HPSE2: variants seen among roughly 807,000 people sequenced by gnomAD.
HPSE2 encodes heparanase 2 (inactive), also known as inactive heparanase-2.
HPSE2 carries 38 observed loss-of-function variants against 60.5 expected under a neutral mutation model. That is an observed-to-expected ratio of 0.63 (90% CI 0.48 to 0.82). The LOEUF (loss-of-function observed/expected upper bound fraction) is 0.82. Ranked by LOEUF, HPSE2 falls within the 40% of genes least tolerant of loss-of-function variation. The probability of loss-of-function intolerance (pLI) is 0.00; values close to 1 mark genes in which losing one functional copy is unlikely to be tolerated. For synonymous variants in HPSE2, 295 were observed against 293.2 expected (o/e 1.01, Z -0.06); for missense variants, 713 against 740.4 (o/e 0.96, Z 0.43).
chr10:99,008,143 G>A (rs1337093569), intron 3 of HPSE2, among the ~76,000 whole-genome samples: 1 of 152,192 alleles, frequency 6.6e-6, no homozygotes, highest in Non-Finnish European at 1.5e-5. Context: ...ACTCCTCACT[G>A]CTTTCCATCT....
Position 98,545,907 on chromosome 10 carries a change from T to C in HPSE2, c.1321-55711A>G, listed in dbSNP as rs937410637. Reference sequence around the variant, plus strand: ...ATGATTGTATATCTGGAAAACCCCATTGTCTCAGCCCAAAGTCTCCTTAAG... The same window carrying C: ...ATGATTGTATATCTGGAAAACCCCACTGTCTCAGCCCAAAGTCTCCTTAAG... On this transcript the variant is annotated intron_variant, in intron 9 of 11. Coordinates refer to ENST00000370552, the MANE Select transcript of HPSE2 (RefSeq NM_021828.5). 2.1e-4 allele frequency among the ~76,000 whole-genome samples: 32 copies of C among 150,760 alleles called. 1 individual carries two copies. The highest frequency in any genetic ancestry group is 6.8e-4 in the African/African-American group (28 of 41,248).
intron 3 of HPSE2, among the ~76,000 whole-genome samples, chr10:99,012,715 G>A (rs970840677): frequency 2.0e-5 from 3 of 152,080 alleles, no homozygotes; most frequent in Non-Finnish European, 4.4e-5. Context: ...GAATATCTGT[G>A]CTGATTTGTA....
chr10:99,296,638 C>A, the HPSE2 span, among the ~76,000 whole-genome samples: 4 of 152,184 alleles, frequency 2.6e-5, no homozygotes, highest in Non-Finnish European at 5.9e-5. Flanking sequence ...CTCTCTTGGG[C>A]AAAGCCAAGA....
chr10:98,581,970 C>G, intron 9 of HPSE2, among the ~76,000 whole-genome samples: 1 of 136,714 alleles, frequency 7.3e-6, no homozygotes, highest in East Asian at 2.0e-4. Context: ...CCTACACACA[C>G]ATGTTCCTTG....
intron 3 of HPSE2, among the ~76,000 whole-genome samples, chr10:98,859,320 G>T (rs2134769742): frequency 6.6e-6 from 1 of 152,168 alleles, no homozygotes; most frequent in South Asian, 2.1e-4. Flanking sequence ...TGGTTGTGAT[G>T]GTTAATATTA....
chr10:98,589,274 GTC>G (rs1945022500), intron 9 of HPSE2, among the ~76,000 whole-genome samples: 1 of 152,198 alleles, frequency 6.6e-6, no homozygotes, highest in Non-Finnish European at 1.5e-5. Flanking sequence ...AGCCACTGTT[GTC>G]TGTGAGGTGC....
chr10:99,039,499 T>C (rs1957686888), intron 3 of HPSE2, among the ~76,000 whole-genome samples: 1 of 150,716 alleles, frequency 6.6e-6, no homozygotes, highest in Non-Finnish European at 1.5e-5. Flanking sequence ...ACTATTAGGA[T>C]ATTAAATATA....
In HPSE2 at chr10:99,060,658, C is replaced by CAA. The variant is rs35034456; in HGVS notation, c.610+83578_610+83579dup. Among the ~76,000 whole-genome samples, 127 of 47,808 alleles carry CAA rather than the reference C, an allele frequency of 2.7e-3. 5 individuals carry two copies. Among genetic ancestry groups the CAA allele is most frequent in the African/African-American group, 0.011 (119 of 10,624 alleles). 31.4% of individuals were successfully genotyped at this position (47,808 alleles called of 152,430 possible). ...GGGCAATAAGAGCGAAACTCTGTCT[C>CAA]AAAAAAAAAAAAAAAAAAAAAAAAA... On this transcript the variant is annotated intron_variant, in intron 3 of 11. Coordinates refer to ENST00000370552, the MANE Select transcript of HPSE2 (RefSeq NM_021828.5).
At chr10:98,516,792 C>T (rs1266128250) in intron 9 of HPSE2, among the ~76,000 whole-genome samples, 1 of 152,166 alleles carries the variant, frequency 6.6e-6, no homozygotes, top group Non-Finnish European at 1.5e-5. Flanking sequence ...AGCTCATTGT[C>T]CAGACCTTCA....
chr10:98,926,435 A>C (rs1412842488), intron 3 of HPSE2, among the ~76,000 whole-genome samples: 2 of 152,184 alleles, frequency 1.3e-5, no homozygotes, highest in Non-Finnish European at 2.9e-5. Context: ...CCACTCTTGG[A>C]AACAGATCTA....
the HPSE2 span, among the ~76,000 whole-genome samples, chr10:99,259,744 A>G: frequency 6.6e-5 from 10 of 152,168 alleles, no homozygotes; most frequent in Non-Finnish European, 1.2e-4. Flanking sequence ...CCTGTTAGGA[A>G]GGGGGACCAC....
chr10:98,477,469 C>G (rs1215295517), intron 11 of HPSE2, among the ~76,000 whole-genome samples: 3 of 152,140 alleles, frequency 2.0e-5, no homozygotes, highest in Non-Finnish European at 4.4e-5. Flanking sequence ...CGCTTGTTCC[C>G]TCAGGTCAAT....
the HPSE2 span, among the ~76,000 whole-genome samples, chr10:99,253,332 C>A: frequency 6.6e-6 from 1 of 152,122 alleles, no homozygotes. Flanking sequence ...CAAAGCTGCA[C>A]ACCTACAGCC....
intron 3 of HPSE2, among the ~76,000 whole-genome samples, chr10:98,923,452 C>A (rs1416886797): frequency 6.6e-6 from 1 of 152,144 alleles, no homozygotes; most frequent in Non-Finnish European, 1.5e-5. Context: ...TTGGGAAATT[C>A]TCTGATACTA....
chr10:99,027,140 T>C (rs1957395040), intron 3 of HPSE2, among the ~76,000 whole-genome samples: 1 of 151,262 alleles, frequency 6.6e-6, no homozygotes, highest in Admixed American at 6.6e-5. Context: ...ATAAATGAAA[T>C]TGAAATGAAA....
rs576866273 is a variant in HPSE2 at position 99,020,470 on chromosome 10, T to C, written c.610+123768A>G. Among the ~76,000 whole-genome samples the C allele has an allele frequency of 1.8e-3, 275 of 152,310 alleles. 1 individual carries two copies. The highest frequency in any genetic ancestry group is 6.0e-3 in the African/African-American group (250 of 41,580). On this transcript the variant is annotated intron_variant, in intron 3 of 11. Transcript: ENST00000370552. ...CTCTTTTACTCTGTATCCTAGTGCA[T>C]TTCAGTGTGCTTTCCCTGGACTGAA...
At chr10:99,040,607 T>C (rs139354154) in intron 3 of HPSE2, among the ~76,000 whole-genome samples, 35 of 152,282 alleles carry the variant, frequency 2.3e-4, no homozygotes, top group Non-Finnish European at 4.7e-4. Flanking sequence ...CTGCCGCTCA[T>C]TTATGTCATT....
the HPSE2 span, among the ~76,000 whole-genome samples, chr10:99,267,036 C>T: frequency 1.3e-5 from 2 of 152,208 alleles, no homozygotes; most frequent in South Asian, 4.2e-4. Context: ...CTGACATGGT[C>T]TACTCAAATG....
chr10:98,757,327 T>A, intron 3 of HPSE2, among the ~76,000 whole-genome samples: 1 of 151,974 alleles, frequency 6.6e-6, no homozygotes. Flanking sequence ...GAAGTCCTAG[T>A]CAGAGCAATC....
Sources: gnomAD v4.1 joint callset for allele counts (sites outside exome capture counted in the v4.1 genomes callset) on GRCh38, gnomAD v4.1.1 for gene constraint, MANE v1.5 for transcripts, NCBI Gene and HGNC (gene_info 2026-07-23, HGNC 2026-07-21) for gene names.